Variants in PHACTR3 observed in about 807,000 individuals in gnomAD.
PHACTR3 encodes protein phosphatase 1, regulatory subunit 123.
A neutral mutation model predicts 66.8 loss-of-function variants in PHACTR3; 16 were observed. The observed-to-expected ratio is 0.24, with a 90% CI of 0.16 to 0.36. The LOEUF (loss-of-function observed/expected upper bound fraction) is 0.36, where lower values mean the gene tolerates loss of function less well. PHACTR3 is among the 10% of genes least tolerant of loss of function. The probability of loss-of-function intolerance (pLI) is 1.00; values close to 1 mark genes in which losing one functional copy is unlikely to be tolerated. For synonymous variants in PHACTR3, 323 were observed against 292.1 expected (o/e 1.11, Z -1.08); for missense variants, 647 against 719.9 (o/e 0.90, Z 1.16).
At chr20:59,629,354 G>A (rs1458206477) in intron 1 of PHACTR3, among the ~76,000 whole-genome samples, 1 of 152,206 alleles carries the variant, frequency 6.6e-6, no homozygotes, top group Non-Finnish European at 1.5e-5. Context: ...GCCTGAGAAG[G>A]CCCAGCCTTC....
chr20:59,716,206 T>TTGTGTGTGTGTGTGTGTG (rs201782505), intron 1 of PHACTR3, among the ~76,000 whole-genome samples: 1 of 128,576 alleles, frequency 7.8e-6, no homozygotes, highest in Non-Finnish European at 1.6e-5. Flanking sequence ...CCTTCACCCT[T>TTGTGTGTGTGTGTGTGTG]TGTGTGTGTG....
At chr20:59,635,299 A>G (rs1445744566) in intron 1 of PHACTR3, among the ~76,000 whole-genome samples, 2 of 143,734 alleles carry the variant, frequency 1.4e-5, no homozygotes, top group African/African-American at 2.6e-5. Flanking sequence ...CAATGGCGCA[A>G]TCTCGGCTCA....
chr20:59,710,770 C>CCCTCACCA (rs2146644491), intron 1 of PHACTR3, among the ~76,000 whole-genome samples: 1 of 8,984 alleles, frequency 1.1e-4, no homozygotes, highest in South Asian at 3.9e-3. Context: ...CCATGGCTTT[C>CCCTCACCA]CCTCACCCAC....
chr20:59,627,966 C>G (rs555871723), intron 1 of PHACTR3: 1 of 152,154 alleles, frequency 6.6e-6, no homozygotes, highest in East Asian at 1.9e-4. Flanking sequence ...TCTATCGTCT[C>G]TCTCTCTGTC....
chr20:59,619,190 T>G (rs1030276996), intron 1 of PHACTR3, among the ~76,000 whole-genome samples: 1 of 152,198 alleles, frequency 6.6e-6, no homozygotes, highest in African/African-American at 2.4e-5. Flanking sequence ...AGGTTTCGCC[T>G]GCATGCCTAG....
At chr20:59,716,058 C>A (rs780082131) in intron 1 of PHACTR3, among the ~76,000 whole-genome samples, 1 of 152,008 alleles carries the variant, frequency 6.6e-6, no homozygotes, top group East Asian at 1.9e-4. Context: ...GCTCTGGGTC[C>A]CTGTGTGCTG....
intron 1 of PHACTR3, among the ~76,000 whole-genome samples, chr20:59,692,565 C>T (rs2037150100): frequency 6.6e-6 from 1 of 152,214 alleles, no homozygotes; most frequent in Non-Finnish European, 1.5e-5. Context: ...ATACCATTCT[C>T]TGTACTCTGC....
chr20:59,672,845 G>A (rs2036240866), intron 1 of PHACTR3, among the ~76,000 whole-genome samples: 1 of 152,216 alleles, frequency 6.6e-6, no homozygotes, highest in Non-Finnish European at 1.5e-5. Flanking sequence ...GCCCTTTGGT[G>A]TATGGACTCC....
At chr20:59,580,094 G>A (rs575447020) in intron 1 of PHACTR3, among the ~76,000 whole-genome samples, 1 of 152,204 alleles carries the variant, frequency 6.6e-6, no homozygotes, top group Non-Finnish European at 1.5e-5. Context: ...AGATTCATCA[G>A]AATGGGGCTG....
At chr20:59,722,329 G>A (rs2038346925) in intron 1 of PHACTR3, among the ~76,000 whole-genome samples, 1 of 152,322 alleles carries the variant, frequency 6.6e-6, no homozygotes, top group Non-Finnish European at 1.5e-5. Flanking sequence ...TCTGTGCAGT[G>A]GGCATTCAGG....
Position 59,635,149 on chromosome 20 carries a change from T to C in PHACTR3, c.118+30017T>C, listed in dbSNP as rs7261004. Reference sequence around the variant, plus strand: ...TTTCTTTCTTTCTTTCTTTCTTTCTTTTTCTTTCTTTCTTTCTTTCCTTTC... The same window carrying C: ...TTTCTTTCTTTCTTTCTTTCTTTCTCTTTCTTTCTTTCTTTCTTTCCTTTC... On this transcript the variant is annotated intron_variant, in intron 1 of 12. Transcript: ENST00000371015. Among the ~76,000 whole-genome samples, 264 of 60,388 alleles carry C rather than the reference T, an allele frequency of 4.4e-3. 10 individuals are homozygous for C. Among genetic ancestry groups the C allele is most frequent in the African/African-American group, 0.011 (170 of 15,222 alleles). The allele number at this position is 60,388 out of a possible 152,430, so 39.6% of individuals were successfully genotyped here.
intron 1 of PHACTR3, among the ~76,000 whole-genome samples, chr20:59,703,885 T>C (rs944974511): frequency 6.6e-6 from 1 of 152,222 alleles, no homozygotes; most frequent in Admixed American, 6.5e-5. Context: ...TAGTTCTCTA[T>C]ATTTGATTTT....
At chr20:59,603,995 T>G (rs568509383), upstream of PHACTR3, 2 of 152,278 alleles carry the variant, frequency 1.3e-5, no homozygotes, top group African/African-American at 4.8e-5. Context: ...GCCCCTCAGG[T>G]TCCTAAGGGC....
intron 8 of PHACTR3, among the ~76,000 whole-genome samples, chr20:59,808,617 G>A (rs2041639545): frequency 6.6e-6 from 1 of 152,226 alleles, no homozygotes; most frequent in Non-Finnish European, 1.5e-5. Flanking sequence ...AGCTCCCGGA[G>A]CGCCAGTGCC....
chr20:59,719,873 C>T (rs1288188218), intron 1 of PHACTR3, among the ~76,000 whole-genome samples: 5 of 152,164 alleles, frequency 3.3e-5, no homozygotes, highest in Non-Finnish European at 7.3e-5. Context: ...GGTCATAGGC[C>T]AGGAAGAAAT....
chr20:59,732,467 T>C (rs1339107165), intron 1 of PHACTR3, among the ~76,000 whole-genome samples: 1 of 152,202 alleles, frequency 6.6e-6, no homozygotes, highest in Non-Finnish European at 1.5e-5. Flanking sequence ...AATTAAGTAT[T>C]TATTCAATTC....
chr20:59,644,042 C>G (rs79662079), intron 1 of PHACTR3, among the ~76,000 whole-genome samples: 3,779 of 152,258 alleles, frequency 0.025, 64 homozygotes, highest in Middle Eastern at 0.058. Flanking sequence ...CAGAGTAACC[C>G]CTGCCTGCAT....
Position 59,836,535 on chromosome 20 carries a change from G to A in PHACTR3, c.1359G>A (p.Glu453=), listed in dbSNP as rs1431706608. 4 of 1,611,588 alleles carry A rather than the reference G, an allele frequency of 2.5e-6. No individual in the cohort carries two copies. In the Admixed American group the frequency reaches 6.7e-5, roughly 27 times the overall value. The change falls in exon 9 of 13, where the codon GAG becomes GAA. Residue 453 remains glutamate (E), a synonymous_variant. Transcript: ENST00000371015. ...KRLSQRPAVE[E]LERRNILKQR... is the part of the protein sequence containing the mutation. ...TGAGCCAAAGACCTGCCGTGGAAGA[G>A]CTGGAGAGAAGAAATATCTTGAAAC... is the stretch of plus-strand genomic sequence containing the variant.
chr20:59,638,485 G>T lies in PHACTR3; in HGVS notation c.118+33353G>T, dbSNP rs6070885. On this transcript the variant is annotated intron_variant, in intron 1 of 12. Transcript: ENST00000371015. ...AGGTAGATGGGTGGATGGATGGATG[G>T]ATGGATGGATAGATTGATTGGTAGA... Among the ~76,000 whole-genome samples, 638 of 146,262 alleles carry T rather than the reference G, an allele frequency of 4.4e-3. 5 individuals are homozygous for T. Among genetic ancestry groups the T allele is most frequent in the South Asian group, 6.4e-3 (28 of 4,392 alleles).
Sources: allele counts gnomAD v4.1 joint callset (sites outside exome capture counted in the v4.1 genomes callset), GRCh38; gene constraint gnomAD v4.1.1; transcripts MANE v1.5; gene names NCBI Gene and HGNC (gene_info 2026-07-23, HGNC 2026-07-21).